The following LUZP2 variants were observed in gnomAD, a reference collection of about 807,000 sequenced individuals.
LUZP2 encodes leucine zipper protein 2.
Under a neutral mutation model 51.6 loss-of-function variants are expected in LUZP2, and 52 were observed. The observed-to-expected ratio is 1.01, with a 90% CI of 0.81 to 1.27. LUZP2 has a LOEUF of 1.27. Among genes scored for constraint, LUZP2 ranks in the 50% most tolerant of loss-of-function variants. The probability of loss-of-function intolerance (pLI) is 0.00; values close to 1 mark genes in which losing one functional copy is unlikely to be tolerated. For missense variants in LUZP2, 436 were observed against 395.4 expected (o/e 1.10, Z -0.87); for synonymous variants, 154 against 137.3 (o/e 1.12, Z -0.85).
intron 4 of LUZP2, among the ~76,000 whole-genome samples, chr11:24,738,733 T>C (rs1235524999): frequency 6.6e-6 from 1 of 151,852 alleles, no homozygotes; most frequent in African/African-American, 2.4e-5. Context: ...GTTATTCTAA[T>C]GCATCCCCAA....
chr11:24,727,018 A>T (rs552595057), intron 1 of LUZP2, among the ~76,000 whole-genome samples: 1 of 151,656 alleles, frequency 6.6e-6, no homozygotes, highest in Non-Finnish European at 1.5e-5. Context: ...GTGCCTCTTC[A>T]TGGTTCCCAA....
At chr11:24,574,529 A>T (rs941463425) in intron 1 of LUZP2, among the ~76,000 whole-genome samples, 4 of 151,938 alleles carry the variant, frequency 2.6e-5, no homozygotes, top group Admixed American at 6.6e-5. Context: ...GCAAAGAAAA[A>T]TTGCACTGTT....
At chr11:24,857,148 C>T (rs1047129326) in intron 5 of LUZP2, among the ~76,000 whole-genome samples, 3 of 151,724 alleles carry the variant, frequency 2.0e-5, no homozygotes, top group Non-Finnish European at 4.4e-5. Context: ...AATTAGTTAC[C>T]ACTGTAATTT....
chr11:25,069,662 G>T (rs986185657), intron 10 of LUZP2, among the ~76,000 whole-genome samples: 1 of 151,652 alleles, frequency 6.6e-6, no homozygotes, highest in African/African-American at 2.4e-5. Context: ...AAGTGACAGG[G>T]TATACATGTC....
intron 9 of LUZP2, among the ~76,000 whole-genome samples, chr11:25,001,462 A>C (rs1856679584): frequency 6.6e-6 from 1 of 152,176 alleles, no homozygotes; most frequent in South Asian, 2.1e-4. Context: ...ATTAAGATTT[A>C]GATCCCCTGT....
At chr11:24,713,717 C>G (rs899958821) in intron 1 of LUZP2, among the ~76,000 whole-genome samples, 1 of 120,628 alleles carries the variant, frequency 8.3e-6, no homozygotes, top group Non-Finnish European at 1.6e-5. Context: ...GAGATGGAGT[C>G]TTGCTCTATC....
Position 25,005,490 on chromosome 11 carries a change from A to T in LUZP2, c.765+22197A>T, listed in dbSNP as rs12578039. ...ATATTGGGGCCAGGCCATGGTGCAG[A>T]AAAAAATGAGCCATCTCTTTTTCAG... On this transcript the variant is annotated intron_variant, in intron 9 of 11. Transcript: ENST00000336930. 7.5e-3 allele frequency among the ~76,000 whole-genome samples: 1,141 copies of T among 152,212 alleles called. 31 individuals carry two copies. The East Asian group carries it at 0.093, about 12-fold the overall frequency.
chr11:24,755,109 C>G (rs1036221593), intron 4 of LUZP2, among the ~76,000 whole-genome samples: 19 of 151,794 alleles, frequency 1.3e-4, no homozygotes, highest in Non-Finnish European at 2.2e-4. Context: ...CATGCCATTG[C>G]ACTCCAGTCT....
At chr11:24,738,387 C>T (rs1047434552) in intron 4 of LUZP2, 85 bp downstream of exon 4, 31 of 857,214 alleles carry the variant, frequency 3.6e-5, no homozygotes, top group Non-Finnish European at 5.7e-5. Context: ...GGAACAAACA[C>T]ACCTATAAAA....
chr11:25,077,485 ATTATTTT>A (rs956946280), intron 11 of LUZP2, 79 bp downstream of exon 11: 9 of 557,912 alleles, frequency 1.6e-5, no homozygotes, highest in African/African-American at 4.0e-5. Context: ...TTTTATTTAT[ATTATTTT>A]TTATTTTTTA....
At chr11:24,918,707 C>A (rs1231581495) in intron 7 of LUZP2, among the ~76,000 whole-genome samples, 4 of 150,770 alleles carry the variant, frequency 2.7e-5, no homozygotes, top group African/African-American at 9.7e-5. Flanking sequence ...AAATATAAAG[C>A]CAAACTTAAA....
intron 1 of LUZP2, among the ~76,000 whole-genome samples, chr11:24,649,899 T>C (rs1210084787): frequency 2.6e-5 from 4 of 151,664 alleles, no homozygotes; most frequent in Non-Finnish European, 5.9e-5. Flanking sequence ...TTTTAGAGAT[T>C]TGTAGAGTTA....
chr11:24,636,772 C>T (rs976825113), intron 1 of LUZP2, among the ~76,000 whole-genome samples: 2 of 152,066 alleles, frequency 1.3e-5, no homozygotes, highest in African/African-American at 4.8e-5. Context: ...GAGCTCAGCT[C>T]ACACACACTT....
intron 5 of LUZP2, chr11:24,785,782 G>A (rs1849229834): frequency 1.4e-6 from 1 of 734,778 alleles, no homozygotes; most frequent in African/African-American, 1.9e-5. Context: ...AGAGATGTCA[G>A]ACAGCATTTA....
intron 1 of LUZP2, among the ~76,000 whole-genome samples, chr11:24,642,692 A>G (rs1254238697): frequency 6.6e-6 from 1 of 150,874 alleles, no homozygotes; most frequent in Non-Finnish European, 1.5e-5. Context: ...TATTATAGGG[A>G]CTACTGCAAT....
At position 24,969,465 on chromosome 11, in the gene LUZP2, T is replaced by G. The variant is rs144927573; in HGVS notation, c.523-7126T>G. ...CTGCTGTATATTTATTTCTTATTTT[T>G]TATGTTTTATTTTATTCTATAGGAC... On this transcript the variant is annotated intron_variant, in intron 7 of 11. Transcript: ENST00000336930. 3.3e-5 allele frequency among the ~76,000 whole-genome samples: 5 copies of G among 152,282 alleles called. No individual in the cohort carries two copies. In the East Asian group the frequency reaches 7.7e-4, roughly 24 times the overall value.
intron 7 of LUZP2, among the ~76,000 whole-genome samples, chr11:24,947,192 A>G (rs1228095652): frequency 1.3e-5 from 2 of 152,036 alleles, no homozygotes; most frequent in Admixed American, 1.3e-4. Flanking sequence ...AGTAATTTTG[A>G]AAAATGAGCA....
At chr11:24,500,392 G>A (rs1402733875) in intron 1 of LUZP2, among the ~76,000 whole-genome samples, 1 of 152,134 alleles carries the variant, frequency 6.6e-6, no homozygotes, top group Non-Finnish European at 1.5e-5. Flanking sequence ...AAATAAATGT[G>A]ATCAAAGAAA....
chr11:24,990,519 G>A (rs1856306824), intron 9 of LUZP2, among the ~76,000 whole-genome samples: 2 of 151,914 alleles, frequency 1.3e-5, no homozygotes, highest in African/African-American at 4.8e-5. Flanking sequence ...TGTATATACT[G>A]CAAAATGATG....
Sources: gnomAD v4.1 joint callset for allele counts (sites outside exome capture counted in the v4.1 genomes callset) on GRCh38, gnomAD v4.1.1 for gene constraint, MANE v1.5 for transcripts, NCBI Gene and HGNC (gene_info 2026-07-23, HGNC 2026-07-21) for gene names.